NEK11: variants seen among roughly 807,000 people sequenced by gnomAD.
NEK11 encodes NIMA related kinase 11.
Under a neutral mutation model 80.7 loss-of-function variants are expected in NEK11, and 72 were observed. That is an observed-to-expected ratio of 0.89 (90% CI 0.74 to 1.08). The LOEUF (loss-of-function observed/expected upper bound fraction) is 1.08, where lower values mean the gene tolerates loss of function less well. NEK11 is among the 50% of genes least tolerant of loss of function. The probability of loss-of-function intolerance (pLI) is 0.00; values close to 1 mark genes in which losing one functional copy is unlikely to be tolerated. For missense variants in NEK11, 764 were observed against 763.6 expected (o/e 1.00, Z -0.01); for synonymous variants, 251 against 260.7 (o/e 0.96, Z 0.36).
At chr3:131,280,129 A>C (rs2096372246) in intron 17 of NEK11, among the ~76,000 whole-genome samples, 1 of 152,184 alleles carries the variant, frequency 6.6e-6, no homozygotes, top group African/African-American at 2.4e-5. Context: ...TTCTGAGCCC[A>C]CTTTTCCAAT....
intron 17 of NEK11, among the ~76,000 whole-genome samples, chr3:131,318,267 T>C (rs2096863732): frequency 6.6e-6 from 1 of 152,088 alleles, no homozygotes; most frequent in Non-Finnish European, 1.5e-5. Context: ...CCCAAACAAA[T>C]ACATAAACAC....
At chr3:131,071,654 T>C (rs1389223789) in intron 3 of NEK11, among the ~76,000 whole-genome samples, 1 of 152,054 alleles carries the variant, frequency 6.6e-6, no homozygotes, top group Non-Finnish European at 1.5e-5. Context: ...ATTAAACAAA[T>C]ATCATGTTGT....
intron 17 of NEK11, among the ~76,000 whole-genome samples, chr3:131,324,809 C>G (rs570680992): frequency 6.6e-6 from 1 of 152,240 alleles, no homozygotes; most frequent in Non-Finnish European, 1.5e-5. Flanking sequence ...ACTCCTTCCC[C>G]CTCTGAGCAT....
At chr3:131,307,258 T>G (rs1201254064) in intron 17 of NEK11, among the ~76,000 whole-genome samples, 4 of 152,212 alleles carry the variant, frequency 2.6e-5, no homozygotes, top group Admixed American at 2.0e-4. Context: ...TTAACTCTTG[T>G]TGCCTTCAGT....
chr3:131,042,169 C>T (rs554653572), intron 3 of NEK11, among the ~76,000 whole-genome samples: 5 of 152,230 alleles, frequency 3.3e-5, no homozygotes, highest in African/African-American at 9.6e-5. Context: ...ACTGGGCAAC[C>T]GTTTGGGCAG....
chr3:131,314,885 C>T (rs564097946), intron 17 of NEK11, among the ~76,000 whole-genome samples: 1 of 152,168 alleles, frequency 6.6e-6, no homozygotes, highest in East Asian at 1.9e-4. Context: ...AGCAGACAAA[C>T]AAGCTTCAAG....
chr3:131,144,756 G>A (rs1579044021), intron 7 of NEK11, among the ~76,000 whole-genome samples: 3 of 152,124 alleles, frequency 2.0e-5, no homozygotes. Flanking sequence ...AGGTGCACTG[G>A]GACCACTATA....
intron 17 of NEK11, among the ~76,000 whole-genome samples, chr3:131,338,985 TA>T (rs202240986): frequency 0.013 from 2,000 of 152,126 alleles, 50 homozygotes; most frequent in African/African-American, 0.046. Flanking sequence ...TTGTTATATA[TA>T]TTTTTTTATC....
intron 12 of NEK11, among the ~76,000 whole-genome samples, chr3:131,166,853 A>G (rs1447638611): frequency 1.3e-5 from 2 of 151,980 alleles, no homozygotes; most frequent in Non-Finnish European, 2.9e-5. Context: ...CCCTCTGAAA[A>G]CTGGGTGCAT....
intron 12 of NEK11, among the ~76,000 whole-genome samples, chr3:131,166,203 T>C (rs1034639131): frequency 6.6e-6 from 1 of 152,230 alleles, no homozygotes; most frequent in Non-Finnish European, 1.5e-5. Context: ...TAAAAGCAAC[T>C]TGGGATGAAG....
chr3:131,243,059 A>G (rs2095542625), intron 15 of NEK11, among the ~76,000 whole-genome samples: 1 of 152,172 alleles, frequency 6.6e-6, no homozygotes, highest in Non-Finnish European at 1.5e-5. Context: ...ATTGAATAAA[A>G]TATTTCTTTT....
intron 7 of NEK11, among the ~76,000 whole-genome samples, chr3:131,150,786 C>A (rs190521300): frequency 6.6e-6 from 1 of 151,802 alleles, no homozygotes; most frequent in East Asian, 1.9e-4. Context: ...TTTTGGTGCT[C>A]TTTATTTCTT....
intron 17 of NEK11, among the ~76,000 whole-genome samples, chr3:131,286,441 G>T (rs1245413598): frequency 6.6e-6 from 1 of 152,128 alleles, no homozygotes; most frequent in East Asian, 1.9e-4. Flanking sequence ...TTATGACCAT[G>T]CCTGAATTGT....
At chr3:131,043,675 G>A (rs1407543729) in intron 3 of NEK11, among the ~76,000 whole-genome samples, 1 of 152,200 alleles carries the variant, frequency 6.6e-6, no homozygotes, top group Non-Finnish European at 1.5e-5. Flanking sequence ...ATGGAACCAA[G>A]TTGGAAAACA....
intron 17 of NEK11, among the ~76,000 whole-genome samples, chr3:131,343,843 C>G (rs936065955): frequency 2.3e-4 from 35 of 152,328 alleles, no homozygotes; most frequent in African/African-American, 7.7e-4. Context: ...GCTCCTGAAC[C>G]CATTCTTCCC....
At chr3:131,091,357 C>T (rs2076700915) in intron 4 of NEK11, among the ~76,000 whole-genome samples, 1 of 152,130 alleles carries the variant, frequency 6.6e-6, no homozygotes, top group Admixed American at 6.6e-5. Context: ...GTTTTTCCTT[C>T]AATAGTCTAA....
At chr3:131,340,482 G>A (rs961454328) in intron 17 of NEK11, among the ~76,000 whole-genome samples, 1 of 152,146 alleles carries the variant, frequency 6.6e-6, no homozygotes, top group Non-Finnish European at 1.5e-5. Context: ...GTGATAAAAT[G>A]TATTTTTTTA....
chr3:131,168,347 T>TA (rs1491399666), intron 12 of NEK11, among the ~76,000 whole-genome samples: 2 of 151,324 alleles, frequency 1.3e-5, no homozygotes, highest in African/African-American at 4.9e-5. Context: ...CTTTTTTTTT[T>TA]TTTATTTTTA....
intron 17 of NEK11, among the ~76,000 whole-genome samples, chr3:131,297,185 G>A (rs1340739105): frequency 2.0e-5 from 3 of 151,806 alleles, no homozygotes; most frequent in Non-Finnish European, 2.9e-5. Flanking sequence ...CCAGTAATGG[G>A]ATGGCTGGGT....
Sources: gnomAD v4.1 joint callset for allele counts (sites outside exome capture counted in the v4.1 genomes callset) on GRCh38, gnomAD v4.1.1 for gene constraint, MANE v1.5 for transcripts, NCBI Gene and HGNC (gene_info 2026-07-23, HGNC 2026-07-21) for gene names.